The following TET1 variants were observed in gnomAD, a reference collection of about 807,000 sequenced individuals.
TET1 encodes the protein methylcytosine dioxygenase TET1.
TET1 carries 13 observed loss-of-function variants against 148.7 expected under a neutral mutation model. The observed-to-expected ratio is 0.09, with a 90% CI of 0.06 to 0.14. TET1 has a LOEUF of 0.14. TET1 is among the 10% of genes least tolerant of loss of function. TET1 has a pLI of 1.00. For synonymous variants in TET1, 907 were observed against 937.2 expected (o/e 0.97, Z 0.59); for missense variants, 2,182 against 2,553.8 (o/e 0.85, Z 3.14).
rs927677626 is a variant in TET1, at chr10:68,692,508, T to G, written c.*694T>G. 3.0e-5 allele frequency: 7 copies of G among 232,270 alleles called. No homozygotes were observed. Among genetic ancestry groups the G allele is most frequent in the Non-Finnish European group, 5.1e-5 (6 of 117,300 alleles). 14.4% of individuals were successfully genotyped at this position (232,270 alleles called of 1,614,324 possible). Reference sequence around the variant, plus strand: ...CTATTGTCTATTGTTTGTGCATATTTGCATACAAGAGAAATCATTTATCCT... The same window carrying G: ...CTATTGTCTATTGTTTGTGCATATTGGCATACAAGAGAAATCATTTATCCT... On this transcript the variant is annotated 3_prime_UTR_variant, in exon 12 of 12. Transcript: ENST00000373644.
At position 68,588,658 on chromosome 10, in the gene TET1, A is replaced by G. The variant is rs528419181; in HGVS notation, c.1915-12323A>G. On this transcript the variant is annotated intron_variant, in intron 2 of 11. Coordinates refer to ENST00000373644, the MANE Select transcript of TET1 (RefSeq NM_030625.3). The stretch of plus-strand genomic sequence containing the variant: ...AGAGATGTGAGCATCTTCTAGCTTC[A>G]TTTCACACAAAAAACAAAAATGTTA... Among the ~76,000 whole-genome samples, 7 of 152,298 alleles carry G rather than the reference A, an allele frequency of 4.6e-5. No homozygotes were observed. The South Asian group carries it at 1.0e-3, about 23-fold the overall frequency.
chr10:68,610,357 G>C (rs1167392262), intron 3 of TET1, among the ~76,000 whole-genome samples: 1 of 151,858 alleles, frequency 6.6e-6, no homozygotes, highest in Non-Finnish European at 1.5e-5. Flanking sequence ...GGCCGAGGCG[G>C]TGGATCACTT....
At chr10:68,599,677 A>G (rs1337539760) in intron 2 of TET1, among the ~76,000 whole-genome samples, 1 of 152,252 alleles carries the variant, frequency 6.6e-6, no homozygotes, top group African/African-American at 2.4e-5. Context: ...TCTGGTGCGC[A>G]GACCGGCCCC....
In TET1 at chr10:68,607,997, C is replaced by T. The variant is rs1479271751; in HGVS notation, c.1968+6963C>T. On this transcript the variant is annotated intron_variant, in intron 3 of 11. Transcript: ENST00000373644. ...AGGCTGGAGCACAGTGGTGCAATCT[C>T]GGCTCACTGCAGCCTCCATCTCCCG... Among the ~76,000 whole-genome samples, 22 of 151,196 alleles carry T rather than the reference C, an allele frequency of 1.5e-4. No homozygotes were observed. In the East Asian group the frequency reaches 2.0e-3, roughly 13 times the overall value.
intron 4 of TET1, among the ~76,000 whole-genome samples, chr10:68,647,800 C>G (rs1326406657): frequency 6.6e-6 from 1 of 152,132 alleles, no homozygotes; most frequent in Non-Finnish European, 1.5e-5. Flanking sequence ...CCGTCCTACT[C>G]TAGAATTGAA....
At chr10:68,598,412 TTA>T (rs2054011824) in intron 2 of TET1, among the ~76,000 whole-genome samples, 1 of 152,192 alleles carries the variant, frequency 6.6e-6, no homozygotes, top group Non-Finnish European at 1.5e-5. Flanking sequence ...ATGATAAATT[TTA>T]TGTTACATAT....
chr10:68,646,272 T>C lies in TET1; in HGVS notation c.3543T>C (p.Tyr1181=). The change falls in exon 4 of 12, where the codon TAT becomes TAC. Residue 1181 remains tyrosine, a synonymous_variant. Coordinates refer to ENST00000373644, the MANE Select transcript of TET1 (RefSeq NM_030625.3). ...GGCAGAAGTGGGAAAAGTTGTCCTA[T>C]ATGTATGGCACAATATGCGACATTT... ...NDRQKWEKLS[Y]MYGTICDIWI... 1 of 1,614,194 alleles carries C rather than the reference T, an allele frequency of 6.2e-7. No homozygotes were observed. Among genetic ancestry groups the C allele is most frequent in the Non-Finnish European group, 8.5e-7 (1 of 1,180,036 alleles).
chr10:68,569,162 G>GTTTTTTTT (rs1362900985), intron 1 of TET1, among the ~76,000 whole-genome samples: 1 of 122,330 alleles, frequency 8.2e-6, no homozygotes, highest in Non-Finnish European at 1.7e-5. Context: ...AGGCAGGAGA[G>GTTTTTTTT]TTTCTTTTTT....
Position 68,645,162 on chromosome 10 carries a change from G to A in TET1, c.2433G>A (p.Met811Ile), listed in dbSNP as rs751146830. Residue 811 changes from methionine (M) to isoleucine (I), a missense_variant, in exon 4 of 12, where the codon ATG becomes ATA. Met to Ile is a conservative substitution (Grantham distance 10, BLOSUM62 1). This residue lies in a region of TET1 where 226 missense variants were observed against 307.4 expected (regional missense o/e 0.74). Transcript: ENST00000373644. ...KNAMSSVATD[M>I]SCDHLKGRSN... ...CTATGAGCTCTGTTGCTACTGATAT[G>A]AGTTGTGATCATCTCAAGGGGAGAA... 1 of 1,614,116 alleles carries A rather than the reference G, an allele frequency of 6.2e-7. No individual in the cohort carries two copies. Among genetic ancestry groups the A allele is most frequent in the South Asian group, 1.1e-5 (1 of 91,078 alleles).
rs772778761 is a variant in TET1 at position 68,667,094 on chromosome 10, A to G, written c.4511A>G (p.Gln1504Arg). The G allele has an allele frequency of 7.4e-6, 12 of 1,614,204 alleles. No individual in the cohort carries two copies. The highest frequency in any genetic ancestry group is 9.3e-6 in the Non-Finnish European group (11 of 1,180,028). Residue 1504 changes from glutamine to arginine, a missense_variant, in exon 7 of 12, where the codon CAG becomes CGG. By Grantham distance (43) the Gln-to-Arg change is conservative. Coordinates refer to ENST00000373644, the MANE Select transcript of TET1 (RefSeq NM_030625.3). ...GAAAAAGTTCTTTGTTTGGTCCGGC[A>G]GCGTACAGGCCACCACTGTCCAACT... is the stretch of plus-strand genomic sequence containing the variant. ...DEEKVLCLVRQRTGHHCPTAV... is the reference protein window; with the variant it reads ...DEEKVLCLVRRRTGHHCPTAV...
chr10:68,617,936 T>A lies in TET1; in HGVS notation c.1968+16902T>A, dbSNP rs79996987. 2.6e-5 allele frequency among the ~76,000 whole-genome samples: 4 copies of A among 151,842 alleles called. No individual in the cohort carries two copies. In the East Asian group the frequency reaches 5.8e-4, roughly 22 times the overall value. ...TTCTTTCTTTCTCTTTTTTTTTTTT[T>A]AAAGAGACAGTGTCTTGCTCTGTTG... is the stretch of plus-strand genomic sequence containing the variant. On this transcript the variant is annotated intron_variant, in intron 3 of 11. Transcript: ENST00000373644.
chr10:68,626,140 G>C (rs913991781), intron 3 of TET1, among the ~76,000 whole-genome samples: 1 of 127,444 alleles, frequency 7.8e-6, no homozygotes, highest in East Asian at 2.5e-4. Context: ...ATACTTAAAG[G>C]GGGAGGGAAA....
chr10:68,606,725 C>CA (rs1318705895), intron 3 of TET1, among the ~76,000 whole-genome samples: 2 of 152,026 alleles, frequency 1.3e-5, no homozygotes, highest in Non-Finnish European at 2.9e-5. Context: ...AAAATATTCA[C>CA]AAGGGAATAC....
At chr10:68,585,669 G>A (rs766858566) in intron 2 of TET1, among the ~76,000 whole-genome samples, 5 of 151,950 alleles carry the variant, frequency 3.3e-5, no homozygotes, top group Admixed American at 6.6e-5. Flanking sequence ...GAAATCATAT[G>A]TCCACTCCCT....
At position 68,692,936 on chromosome 10, in the gene TET1, A is replaced by C. The variant is rs12774505; in HGVS notation, c.*1122A>C. 4.3e-6 allele frequency: 1 copy of C among 231,640 alleles called. No homozygotes were observed. Among genetic ancestry groups the C allele is most frequent in the East Asian group, 6.1e-5 (1 of 16,308 alleles). The allele number at this position is 231,640 out of a possible 1,614,324, so 14.3% of individuals were successfully genotyped here. On this transcript the variant is annotated 3_prime_UTR_variant, in exon 12 of 12. Coordinates refer to ENST00000373644, the MANE Select transcript of TET1 (RefSeq NM_030625.3). The stretch of plus-strand genomic sequence containing the variant: ...ATATTTGTACTGAAGTCTGATACAG[A>C]ATTAGAAAAAAAAAATTCTTGTTGA...
At chr10:68,683,310 AC>A (rs1480778209) in intron 10 of TET1, among the ~76,000 whole-genome samples, 1 of 151,978 alleles carries the variant, frequency 6.6e-6, no homozygotes, top group African/African-American at 2.4e-5. Context: ...ACGGAGTCTC[AC>A]TCTGTCGCCC....
chr10:68,565,129 C>T (rs1180243351), intron 1 of TET1, among the ~76,000 whole-genome samples: 3 of 151,970 alleles, frequency 2.0e-5, no homozygotes, highest in Non-Finnish European at 4.4e-5. Context: ...AGAGATTTGA[C>T]TGCTGGAAAT....
chr10:68,622,199 TTCCTTCCTTCCTTCCTTCCTTCCC>T, intron 3 of TET1, among the ~76,000 whole-genome samples: 1 of 130,320 alleles, frequency 7.7e-6, no homozygotes, highest in African/African-American at 3.0e-5. Flanking sequence ...CCTTCCTTCC[TTCCTTCCTTCCTTCCTTCCTTCCC>T]TCCTTCCTCC....
chr10:68,613,488 T>C (rs1210332366), intron 3 of TET1, among the ~76,000 whole-genome samples: 2 of 152,170 alleles, frequency 1.3e-5, no homozygotes, highest in Non-Finnish European at 2.9e-5. Context: ...ATAATGTAAT[T>C]GGGTAAACTC....
Sources: gnomAD v4.1 joint callset for allele counts (sites outside exome capture counted in the v4.1 genomes callset) on GRCh38, gnomAD v4.1.1 for gene constraint, gnomAD v4.1.1 regional missense constraint, MANE v1.5 for transcripts, NCBI Gene and HGNC (gene_info 2026-07-23, HGNC 2026-07-21) for gene names.